Variants in USP4 observed in about 807,000 individuals in gnomAD.
The protein encoded by USP4 is ubiquitin specific peptidase 4.
A neutral mutation model predicts 118.2 loss-of-function variants in USP4; 72 were observed. The observed-to-expected ratio is 0.61, with a 90% CI of 0.50 to 0.74. The LOEUF (loss-of-function observed/expected upper bound fraction) is 0.74, where lower values mean the gene tolerates loss of function less well. Among genes scored for constraint, USP4 ranks in the 30% least tolerant of loss-of-function variants. The pLI is 0.00. For synonymous variants in USP4, 415 were observed against 440.4 expected, an observed-to-expected ratio of 0.94 and a Z score of 0.72; for missense variants, 1,037 against 1,185.7, an observed-to-expected ratio of 0.87 and a Z score of 1.84.
chr3:49,323,798 C>T (rs1005261670), intron 6 of USP4, among the ~76,000 whole-genome samples: 1 of 152,180 alleles, frequency 6.6e-6, no homozygotes, highest in African/African-American at 2.4e-5. Flanking sequence ...ATTTCCAAAA[C>T]TTATACCATA....
Position 49,290,186 on chromosome 3 carries a change from G to A in USP4, c.1972+2324C>T, listed in dbSNP as rs139545275. Reference sequence around the variant, plus strand: ...CCCCAGCACTTTGGAAGGCGAAGGTGAGCAGATCACTTGAGGTCAGGAGTT... The same window carrying A: ...CCCCAGCACTTTGGAAGGCGAAGGTAAGCAGATCACTTGAGGTCAGGAGTT... On this transcript the variant is annotated intron_variant, in intron 15 of 21. Coordinates refer to ENST00000265560, the MANE Select transcript of USP4 (RefSeq NM_003363.4). 3.7e-3 allele frequency among the ~76,000 whole-genome samples: 560 copies of A among 152,282 alleles called. 1 individual carries two copies. Among genetic ancestry groups the A allele is most frequent in the African/African-American group, 0.013 (530 of 41,568 alleles).
chr3:49,286,569 C>G (rs2047092365), intron 15 of USP4, among the ~76,000 whole-genome samples: 1 of 152,088 alleles, frequency 6.6e-6, no homozygotes, highest in Non-Finnish European at 1.5e-5. Context: ...AATGAGCCAC[C>G]TGCAGGCACA....
chr3:49,331,250 G>A (rs2047614498), intron 2 of USP4, among the ~76,000 whole-genome samples: 1 of 152,046 alleles, frequency 6.6e-6, no homozygotes, highest in African/African-American at 2.4e-5. Context: ...AACCTGGGAG[G>A]CAGAGGTTGT....
At chr3:49,297,589 T>C (rs2047223192) in intron 13 of USP4, among the ~76,000 whole-genome samples, 1 of 152,066 alleles carries the variant, frequency 6.6e-6, no homozygotes, top group Admixed American at 6.6e-5. Context: ...GGACCATCTG[T>C]AGGAGCAGTG....
chr3:49,318,984 C>T (rs1422230996), intron 6 of USP4, among the ~76,000 whole-genome samples: 1 of 149,738 alleles, frequency 6.7e-6, no homozygotes, highest in Non-Finnish European at 1.5e-5. Context: ...TATCCTCTGC[C>T]AAGAAATATA....
intron 20 of USP4, chr3:49,279,124 C>A (rs2046990987): frequency 3.2e-6 from 1 of 311,280 alleles, no homozygotes; most frequent in East Asian, 5.7e-5. Context: ...CTGTCAGGGA[C>A]CAAGATTTTA....
chr3:49,298,458 A>G, intron 12 of USP4, 94 bp downstream of exon 12: 1 of 1,210,688 alleles, frequency 8.3e-7, no homozygotes, highest in East Asian at 2.3e-5. Flanking sequence ...GGCAATAACA[A>G]CAACCCCAAA....
At chr3:49,317,227 T>C in intron 6 of USP4, 1 of 1,530,456 alleles carries the variant, frequency 6.5e-7, no homozygotes, top group Non-Finnish European at 9.0e-7. Flanking sequence ...GATGGTCTGG[T>C]AGAACTTACT....
chr3:49,282,706 CTTT>C (rs999862081), intron 19 of USP4, among the ~76,000 whole-genome samples: 1 of 148,982 alleles, frequency 6.7e-6, no homozygotes, highest in Non-Finnish European at 1.5e-5. Context: ...GGGCAACTCC[CTTT>C]TTTTTTTCTT....
intron 6 of USP4, among the ~76,000 whole-genome samples, chr3:49,322,036 A>C (rs950198706): frequency 2.6e-5 from 4 of 152,078 alleles, no homozygotes; most frequent in Admixed American, 1.3e-4. Context: ...TATAAAATCA[A>C]GAAATTTGCA....
intron 19 of USP4, among the ~76,000 whole-genome samples, chr3:49,283,224 C>G (rs1368344233): frequency 3.3e-5 from 5 of 150,600 alleles, no homozygotes; most frequent in Admixed American, 3.3e-4. Context: ...CCATGTTGGC[C>G]AGGATGGTCT....
At chr3:49,321,722 C>T (rs1236676728) in intron 6 of USP4, among the ~76,000 whole-genome samples, 5 of 151,490 alleles carry the variant, frequency 3.3e-5, no homozygotes, top group African/African-American at 9.7e-5. Context: ...GGCCGGGCGC[C>T]GTGGCTTATG....
chr3:49,284,645 A>C, intron 17 of USP4, 61 bp from the exon 18 acceptor site: 1 of 1,482,398 alleles, frequency 6.7e-7, no homozygotes, highest in Non-Finnish European at 9.4e-7. Flanking sequence ...TTAAGACATG[A>C]AGGCCTACAG....
In USP4 at chr3:49,311,610, G is replaced by C. The variant is rs1028609559; in HGVS notation, c.740C>G (p.Ser247Ter). The change falls in exon 7 of 22, where the codon TCA becomes TGA. Residue 247 changes from serine (S) to a stop codon, truncating the protein, a stop_gained. Transcript: ENST00000265560. LOFTEE classifies it high-confidence loss of function. ...PSRNFTTSPK[S>*]SASPYSSVSA... ...CACTGAGGAATAGGGACTTGCTGAT[G>C]ATTTTGGAGAGGTAGTAAAATTTCT... 1.2e-6 allele frequency: 2 copies of C among 1,613,884 alleles called. No homozygotes were observed. Among genetic ancestry groups the C allele is most frequent in the African/African-American group, 2.7e-5 (2 of 74,924 alleles).
chr3:49,312,215 T>C (rs575360314), intron 6 of USP4: 58 of 248,002 alleles, frequency 2.3e-4, no homozygotes, highest in South Asian at 2.2e-3. Flanking sequence ...TCCCAGCACT[T>C]TGGGAGGCCG....
Position 49,286,128 on chromosome 3 carries a change from CA to C in USP4, c.2169del (p.Ala724GlnfsTer40), listed in dbSNP as rs2047088465. 1.2e-6 allele frequency: 2 copies of C among 1,614,168 alleles called. No homozygotes were observed. The highest frequency in any genetic ancestry group is 4.5e-5 in the East Asian group (2 of 44,888). On this transcript the variant is annotated frameshift_variant, in exon 16 of 22. Transcript: ENST00000265560. LOFTEE classifies it high-confidence loss of function. The part of the protein sequence containing the change: ...NSYGTADINS[L>X]AADGKLLKLN... ...AGTTTAAGTAGTTTTCCATCAGCTG[CA>C]AGTGAATTTATGTCAGCTGTTCCAT...
rs140669662 is a variant in USP4, at chr3:49,277,204, G to A, written c.*1089C>T. 1.8e-4 allele frequency: 238 copies of A among 1,345,242 alleles called. No individual in the cohort carries two copies. The African/African-American group carries it at 3.0e-3, about 17-fold the overall frequency. 83.3% of individuals were successfully genotyped at this position (1,345,242 alleles called of 1,614,324 possible). On this transcript the variant is annotated 3_prime_UTR_variant, in exon 22 of 22. Coordinates refer to ENST00000265560, the MANE Select transcript of USP4 (RefSeq NM_003363.4). ...TCCTCACCCGCAGCGCAGTGACGCC[G>A]ACCCATCCAACGGTCATCGCATGCG...
At chr3:49,291,279 T>TAA (rs780101038) in intron 15 of USP4, among the ~76,000 whole-genome samples, 31 of 110,112 alleles carry the variant, frequency 2.8e-4, no homozygotes, top group African/African-American at 7.4e-4. Context: ...ACCCTACTCT[T>TAA]AAAAAAAAAA....
At chr3:49,302,129 C>T (rs2047268243) in intron 10 of USP4, among the ~76,000 whole-genome samples, 1 of 150,520 alleles carries the variant, frequency 6.6e-6, no homozygotes, top group South Asian at 2.1e-4. Flanking sequence ...GGTGAGAAGA[C>T]TGCTTGAGCT....
Sources: allele counts gnomAD v4.1 joint callset (sites outside exome capture counted in the v4.1 genomes callset), GRCh38; gene constraint gnomAD v4.1.1; transcripts MANE v1.5; gene names NCBI Gene and HGNC (gene_info 2026-07-23, HGNC 2026-07-21).